Variants in AGXT2 observed in about 807,000 individuals in gnomAD.
AGXT2 encodes the protein alanine--glyoxylate aminotransferase 2, mitochondrial.
AGXT2 carries 61 observed loss-of-function variants against 62.5 expected under a neutral mutation model. The observed-to-expected ratio is 0.98, with a 90% confidence interval of 0.79 to 1.21. The LOEUF is 1.21. Among genes scored for constraint, AGXT2 ranks in the 50% most tolerant of loss-of-function variants. The pLI is 0.00. For missense variants in AGXT2, 666 were observed against 641.5 expected, an observed-to-expected ratio of 1.04 and a Z score of -0.41; for synonymous variants, 243 against 218.7, an observed-to-expected ratio of 1.11 and a Z score of -0.98.
chr5:35,016,721 G>C (rs1766861957), intron 9 of AGXT2, among the ~76,000 whole-genome samples: 1 of 152,114 alleles, frequency 6.6e-6, no homozygotes, highest in Non-Finnish European at 1.5e-5. Context: ...TGACTGTTTT[G>C]CAGCAAGTGG....
At chr5:35,026,028 C>A in intron 8 of AGXT2, 173 bp from the exon 9 acceptor site, 1 of 652,318 alleles carries the variant, frequency 1.5e-6, no homozygotes, top group Non-Finnish European at 2.7e-6. Flanking sequence ...TTACTCTATA[C>A]CATGACTTCT....
intron 9 of AGXT2, 21 bp from the exon 10 acceptor site, chr5:35,014,140 CCA>C (rs1342961126): frequency 1.2e-6 from 2 of 1,613,774 alleles, no homozygotes; most frequent in Non-Finnish European, 1.7e-6. Context: ...AAGTTCAAAA[CCA>C]TTGGAAACCC....
chr5:35,033,366 A>G, intron 6 of AGXT2, 94 bp downstream of exon 6: 2 of 994,818 alleles, frequency 2.0e-6, no homozygotes, highest in Non-Finnish European at 1.6e-6. Context: ...CAGGCTTTAT[A>G]TTAGTTTCTA....
At chr5:35,040,487 A>AT (rs1428320616) in intron 2 of AGXT2, 88 bp downstream of exon 2, 1 of 1,279,424 alleles carries the variant, frequency 7.8e-7, no homozygotes, top group East Asian at 2.3e-5. Context: ...AAGCAGGGCT[A>AT]TTTTTGTGTC....
chr5:35,028,662 T>C (rs1767458011), intron 7 of AGXT2, among the ~76,000 whole-genome samples: 1 of 151,772 alleles, frequency 6.6e-6, no homozygotes, highest in Non-Finnish European at 1.5e-5. Flanking sequence ...AGGTCAACTG[T>C]ATCCATACAT....
chr5:35,038,572 C>T (rs1215101854), intron 3 of AGXT2, among the ~76,000 whole-genome samples: 1 of 152,174 alleles, frequency 6.6e-6, no homozygotes, highest in Non-Finnish European at 1.5e-5. Context: ...CACTCCTTAC[C>T]TCCTGACAGC....
In AGXT2 at chr5:34,998,659, C is replaced by A; in HGVS notation, c.*60G>T. On this transcript the variant is annotated 3_prime_UTR_variant, in exon 14 of 14. Transcript: ENST00000231420. ...CAGTGGTTCTGAAATTCTTCAAATT[C>A]ACCCTTGAACATACGTGGCAAATTC... The A allele has an allele frequency of 7.3e-7, 1 of 1,371,284 alleles. No individual in the cohort carries two copies. Among genetic ancestry groups the A allele is most frequent in the South Asian group, 1.2e-5 (1 of 85,100 alleles). The allele number at this position is 1,371,284 out of a possible 1,614,324, so 84.9% of individuals were successfully genotyped here.
At chr5:35,038,907 A>G (rs1767878716) in intron 3 of AGXT2, among the ~76,000 whole-genome samples, 1 of 152,154 alleles carries the variant, frequency 6.6e-6, no homozygotes, top group Non-Finnish European at 1.5e-5. Flanking sequence ...CATCTCTCAG[A>G]GGCCATGAAG....
chr5:35,039,407 C>T lies in AGXT2; in HGVS notation c.279G>A (p.Met93Ile), dbSNP rs1310303919. 6 of 1,614,028 alleles carry T rather than the reference C, an allele frequency of 3.7e-6. No individual in the cohort carries two copies. The highest frequency in any genetic ancestry group is 5.1e-6 in the Non-Finnish European group (6 of 1,179,994). The change falls in exon 3 of 14, where the codon ATG becomes ATA. Residue 93 changes from methionine (M) to isoleucine (I), a missense_variant. Met to Ile is a conservative substitution (Grantham distance 10). Coordinates refer to ENST00000231420, the MANE Select transcript of AGXT2 (RefSeq NM_031900.4). ...QKPLLLHQGH[M>I]EWLFDAEGSR... ...TTCCTTCAGCATCAAAGAGCCACTC[C>T]ATGTGCCCCTGGTGGAGCAGCAGGG... is the stretch of plus-strand genomic sequence containing the variant.
Position 34,998,113 on chromosome 5 carries a change from G to C in AGXT2, c.*606C>G, listed in dbSNP as rs1766097487. On this transcript the variant is annotated 3_prime_UTR_variant, in exon 14 of 14. Transcript: ENST00000231420. ...ATAAAAAAGCCTTATACAGAACAAT[G>C]AATTTATTACCTCAAATATCAAGAG... is the stretch of plus-strand genomic sequence containing the variant. The C allele has an allele frequency of 6.5e-6, 1 of 153,424 alleles. No homozygotes were observed. Among genetic ancestry groups the C allele is most frequent in the South Asian group, 2.0e-4 (1 of 5,028 alleles). 9.5% of individuals were successfully genotyped at this position (153,424 alleles called of 1,614,324 possible).
chr5:35,015,223 C>A (rs947417809), intron 9 of AGXT2, among the ~76,000 whole-genome samples: 16 of 152,198 alleles, frequency 1.1e-4, no homozygotes, highest in African/African-American at 3.9e-4. Context: ...GGACTGTTAT[C>A]ACCAGTGGGC....
chr5:35,001,103 G>A (rs163910), intron 13 of AGXT2, among the ~76,000 whole-genome samples: 71,905 of 152,038 alleles, frequency 0.47, 17,298 homozygotes, highest in East Asian at 0.62. Context: ...CAGTTGGTTA[G>A]GTGTATTAAC....
chr5:35,017,583 G>A (rs892446316), intron 9 of AGXT2, among the ~76,000 whole-genome samples: 1 of 152,170 alleles, frequency 6.6e-6, no homozygotes, highest in Non-Finnish European at 1.5e-5. Flanking sequence ...ATTCCGCCAT[G>A]ATTGTTAGGC....
intron 13 of AGXT2, among the ~76,000 whole-genome samples, chr5:35,000,122 G>A (rs908762448): frequency 1.3e-5 from 2 of 151,976 alleles, no homozygotes; most frequent in Non-Finnish European, 2.9e-5. Flanking sequence ...CATCTCAATT[G>A]GTTGCAGTCT....
intron 12 of AGXT2, among the ~76,000 whole-genome samples, chr5:35,008,197 T>A (rs1213777563): frequency 6.6e-6 from 1 of 152,246 alleles, no homozygotes; most frequent in Non-Finnish European, 1.5e-5. Context: ...TTCCACAATA[T>A]GGCTTGCACA....
At chr5:35,002,778 G>GT (rs199695004) in intron 13 of AGXT2, among the ~76,000 whole-genome samples, 12 of 108,376 alleles carry the variant, frequency 1.1e-4, no homozygotes, top group Middle Eastern at 5.0e-3. Context: ...TAGCAGGCTG[G>GT]GGGGGGGGAC....
intron 1 of AGXT2, among the ~76,000 whole-genome samples, chr5:35,044,658 C>T (rs1292995365): frequency 6.6e-6 from 1 of 152,218 alleles, no homozygotes; most frequent in Non-Finnish European, 1.5e-5. Context: ...CTCCTTCCCT[C>T]CATTCCTTCA....
At chr5:35,008,720 T>G (rs1384933526) in intron 12 of AGXT2, among the ~76,000 whole-genome samples, 2 of 152,206 alleles carry the variant, frequency 1.3e-5, no homozygotes, top group African/African-American at 4.8e-5. Flanking sequence ...CTGTGACATG[T>G]GGTATGAATT....
At position 35,037,062 on chromosome 5, in the gene AGXT2, C is replaced by T; in HGVS notation, c.366G>A (p.Lys122=). 1 of 1,614,076 alleles carries T rather than the reference C, an allele frequency of 6.2e-7. No homozygotes were observed. Among genetic ancestry groups the T allele is most frequent in the Non-Finnish European group, 8.5e-7 (1 of 1,179,996 alleles). The stretch of plus-strand genomic sequence containing the variant: ...GCTGCTTTTGTGCCACTGCATTCAC[C>T]TTTCTGGATAAGCAGTACAGCAGAG... ...VTVSVGHCHP[K]VNAVAQKQLG... is the part of the protein sequence containing the mutation. Residue 122 remains lysine, a synonymous_variant, in exon 4 of 14, where the codon AAG becomes AAA. Coordinates refer to ENST00000231420, the MANE Select transcript of AGXT2 (RefSeq NM_031900.4).
Sources: allele counts gnomAD v4.1 joint callset (sites outside exome capture counted in the v4.1 genomes callset), GRCh38; gene constraint gnomAD v4.1.1; transcripts MANE v1.5; gene names NCBI Gene and HGNC (gene_info 2026-07-23, HGNC 2026-07-21).